KCND2: variants seen among roughly 807,000 people sequenced by gnomAD.
KCND2 encodes A-type voltage-gated potassium channel KCND2.
Under a neutral mutation model 54.4 loss-of-function variants are expected in KCND2, and 16 were observed. The observed-to-expected ratio is 0.29, with a 90% CI of 0.20 to 0.45. The LOEUF (loss-of-function observed/expected upper bound fraction) is 0.45. Among genes scored for constraint, KCND2 ranks in the 20% least tolerant of loss-of-function variants. The pLI is 1.00. For synonymous variants in KCND2, 317 were observed against 310.7 expected (o/e 1.02, Z -0.21); for missense variants, 486 against 824.2 (o/e 0.59, Z 5.02).
chr7:120,537,725 C>T (rs1202325900), intron 1 of KCND2, among the ~76,000 whole-genome samples: 1 of 152,122 alleles, frequency 6.6e-6, no homozygotes, highest in Non-Finnish European at 1.5e-5. Context: ...GGCTTCTTTC[C>T]GTAAACCTCA....
intron 2 of KCND2, chr7:120,740,962 G>T: frequency 2.2e-6 from 1 of 449,752 alleles, no homozygotes; most frequent in Non-Finnish European, 4.5e-6. Flanking sequence ...TGTTTGGCAT[G>T]GGATCTACCT....
intron 1 of KCND2, among the ~76,000 whole-genome samples, chr7:120,548,585 C>T (rs1792070722): frequency 6.6e-6 from 1 of 152,098 alleles, no homozygotes; most frequent in Non-Finnish European, 1.5e-5. Context: ...CAAAAGCTCT[C>T]AGTGCAAAAA....
chr7:120,386,299 C>T (rs939078944), intron 1 of KCND2, among the ~76,000 whole-genome samples: 13 of 152,076 alleles, frequency 8.5e-5, no homozygotes, highest in African/African-American at 2.9e-4. Flanking sequence ...CTTAAGTGGT[C>T]TGCTTTATAT....
chr7:120,420,293 A>G (rs1801593452), intron 1 of KCND2, among the ~76,000 whole-genome samples: 1 of 152,226 alleles, frequency 6.6e-6, no homozygotes, highest in South Asian at 2.1e-4. Flanking sequence ...GAGATTAAAA[A>G]TTACAGAAAA....
chr7:120,368,831 A>G (rs766866343), intron 1 of KCND2, among the ~76,000 whole-genome samples: 2 of 152,146 alleles, frequency 1.3e-5, no homozygotes, highest in Non-Finnish European at 2.9e-5. Flanking sequence ...CATGTAGGAT[A>G]AAGGACAGAA....
At chr7:120,305,252 G>A (rs985321185) in intron 1 of KCND2, among the ~76,000 whole-genome samples, 3 of 152,194 alleles carry the variant, frequency 2.0e-5, no homozygotes, top group African/African-American at 7.2e-5. Flanking sequence ...GGTTCAAACT[G>A]TTCTGTTGAA....
intron 1 of KCND2, among the ~76,000 whole-genome samples, chr7:120,310,858 C>T (rs1799726362): frequency 6.6e-6 from 1 of 151,082 alleles, no homozygotes; most frequent in Non-Finnish European, 1.5e-5. Flanking sequence ...ATCACTTGTA[C>T]CTGGGAGTTG....
At position 120,339,011 on chromosome 7, in the gene KCND2, G is replaced by T. The variant is rs1006626243; in HGVS notation, c.1115+63264G>T. On this transcript the variant is annotated intron_variant, in intron 1 of 5. Coordinates refer to ENST00000331113, the MANE Select transcript of KCND2 (RefSeq NM_012281.3). ...TTCTCCTGCCTCAGCCTCCTGAGTA[G>T]CTGGGACTATAGGCACCTGCCACCA... Among the ~76,000 whole-genome samples, 3 of 151,778 alleles carry T rather than the reference G, an allele frequency of 2.0e-5. No homozygotes were observed. The South Asian group carries it at 6.2e-4, about 32-fold the overall frequency.
At chr7:120,610,471 G>A (rs999836135) in intron 1 of KCND2, among the ~76,000 whole-genome samples, 11 of 152,068 alleles carry the variant, frequency 7.2e-5, no homozygotes, top group African/African-American at 2.2e-4. Context: ...TGGTGGACTA[G>A]TGTTTGTCTG....
At chr7:120,357,955 C>T (rs1210692872) in intron 1 of KCND2, among the ~76,000 whole-genome samples, 1 of 152,070 alleles carries the variant, frequency 6.6e-6, no homozygotes, top group Non-Finnish European at 1.5e-5. Flanking sequence ...TTTGGAGGGA[C>T]ACAGTTCAGT....
At chr7:120,505,345 A>AG (rs1344797892) in intron 1 of KCND2, among the ~76,000 whole-genome samples, 3 of 151,876 alleles carry the variant, frequency 2.0e-5, no homozygotes, top group South Asian at 2.1e-4. Flanking sequence ...AGGAAAAAAA[A>AG]CAAGACGGAG....
intron 1 of KCND2, among the ~76,000 whole-genome samples, chr7:120,595,035 A>G (rs1584845865): frequency 6.6e-6 from 1 of 151,348 alleles, no homozygotes; most frequent in African/African-American, 2.4e-5. Flanking sequence ...GAAAAAAAAA[A>G]AAAAGAGAGA....
chr7:120,441,723 C>T (rs1320055800), intron 1 of KCND2, among the ~76,000 whole-genome samples: 1 of 151,904 alleles, frequency 6.6e-6, no homozygotes, highest in Non-Finnish European at 1.5e-5. Flanking sequence ...AACAATTGGA[C>T]AGATATGGAA....
chr7:120,374,358 A>G (rs1049993523), intron 1 of KCND2, among the ~76,000 whole-genome samples: 3 of 151,742 alleles, frequency 2.0e-5, no homozygotes, highest in Non-Finnish European at 4.4e-5. Flanking sequence ...ACATTTTACA[A>G]TTCTTAGTCG....
intron 1 of KCND2, among the ~76,000 whole-genome samples, chr7:120,473,312 C>A (rs569082531): frequency 6.6e-6 from 1 of 152,174 alleles, no homozygotes; most frequent in Non-Finnish European, 1.5e-5. Context: ...CAGCGCTCAT[C>A]GTCACTCTCA....
At chr7:120,355,609 A>T (rs1168111534) in intron 1 of KCND2, among the ~76,000 whole-genome samples, 3 of 152,150 alleles carry the variant, frequency 2.0e-5, no homozygotes, top group African/African-American at 7.2e-5. Flanking sequence ...TTTGTGTTAG[A>T]TGATTTGGCC....
At chr7:120,365,324 A>G (rs1563022959) in intron 1 of KCND2, among the ~76,000 whole-genome samples, 1 of 152,194 alleles carries the variant, frequency 6.6e-6, no homozygotes, top group East Asian at 1.9e-4. Context: ...TGTCATTTGT[A>G]GGTATGGACA....
At chr7:120,678,738 GTATATATATATATATA>G (rs66483423) in intron 1 of KCND2, among the ~76,000 whole-genome samples, 9,358 of 115,756 alleles carry the variant, frequency 0.081, 1,055 homozygotes, top group African/African-American at 0.25. Flanking sequence ...GTGTGTGAGT[GTATATATATATATATA>G]TATATATATA....
intron 1 of KCND2, among the ~76,000 whole-genome samples, chr7:120,423,544 G>T (rs1325313331): frequency 1.3e-5 from 2 of 152,156 alleles, no homozygotes; most frequent in Non-Finnish European, 2.9e-5. Context: ...ATGAATGCTT[G>T]GACATTGTTG....
Sources: allele counts gnomAD v4.1 joint callset (sites outside exome capture counted in the v4.1 genomes callset), GRCh38; gene constraint gnomAD v4.1.1; transcripts MANE v1.5; gene names NCBI Gene and HGNC (gene_info 2026-07-23, HGNC 2026-07-21).